The following RAD21L1 variants were observed in gnomAD, a reference collection of about 807,000 sequenced individuals.
RAD21L1 encodes the protein double-strand-break repair protein rad21-like protein 1.
RAD21L1 carries 47 observed loss-of-function variants against 69.0 expected under a neutral mutation model. That is an observed-to-expected ratio of 0.68 (90% confidence interval 0.54 to 0.87). RAD21L1 has a LOEUF of 0.87. RAD21L1 is among the 40% of genes least tolerant of loss of function. RAD21L1 has a pLI of 0.00. For missense variants in RAD21L1, 583 were observed against 647.6 expected (o/e 0.90, Z 1.08); for synonymous variants, 177 against 205.8 (o/e 0.86, Z 1.20).
chr20:1,248,184 T>C (rs984627211), intron 12 of RAD21L1, among the ~76,000 whole-genome samples: 2 of 151,830 alleles, frequency 1.3e-5, no homozygotes, highest in East Asian at 3.9e-4. Context: ...ACAGCAGTTA[T>C]GTTTAGAGCT....
chr20:1,228,534 C>G lies in RAD21L1; in HGVS notation c.81C>G (p.Leu27=). The G allele has an allele frequency of 1.3e-6, 2 of 1,550,336 alleles. No homozygotes were observed. The highest frequency in any genetic ancestry group is 1.7e-6 in the Non-Finnish European group (2 of 1,146,210). Residue 27 remains leucine (L), a synonymous_variant, in exon 2 of 14, where the codon CTC becomes CTG. Transcript: ENST00000683101. The stretch of plus-strand genomic sequence containing the variant: ...TTGCAGCTCACTGGGAGAAGAAACT[C>G]ACAAAGGCCCATGTATTTGAATGTA... The part of the protein sequence containing the change: ...IWLAAHWEKK[L]TKAHVFECNL...
chr20:1,244,466 C>G (rs974410727), intron 11 of RAD21L1, among the ~76,000 whole-genome samples: 2 of 152,116 alleles, frequency 1.3e-5, no homozygotes, highest in Non-Finnish European at 2.9e-5. Flanking sequence ...GAGAATCCTA[C>G]TAGGCCTCAT....
chr20:1,231,620 G>GGAAAATAAA lies in RAD21L1; in HGVS notation c.368+1_368+2insGAAAATAAA. Reference sequence around the variant, plus strand: ...ATGATTTTGACACCCAAAATATGAAGTAAAATATTTTATTTATTTTCCTTC... The same window carrying GGAAAATAAA: ...ATGATTTTGACACCCAAAATATGAAGGAAAATAAATAAAATATTTTATTTATTTTCCTTC... On this transcript the variant is annotated splice_donor_variant, in intron 4 of 13. Coordinates refer to ENST00000683101, the MANE Select transcript of RAD21L1 (RefSeq NM_001384355.1). LOFTEE classifies it high-confidence loss of function. 7 of 1,327,860 alleles carry GGAAAATAAA rather than the reference G, an allele frequency of 5.3e-6. No individual in the cohort carries two copies. The highest frequency in any genetic ancestry group is 7.3e-6 in the Non-Finnish European group (7 of 954,828). 82.3% of individuals were successfully genotyped at this position (1,327,860 alleles called of 1,614,324 possible).
Position 1,235,690 on chromosome 20 carries a change from G to A in RAD21L1, c.475+1499G>A, listed in dbSNP as rs2087480120. ...CCCAGAATTGCAACACATTGGCAAA[G>A]AGGTAATCATATTCCCTACTCCCAA... On this transcript the variant is annotated intron_variant, in intron 5 of 13. Coordinates refer to ENST00000683101, the MANE Select transcript of RAD21L1 (RefSeq NM_001384355.1). 2.0e-5 allele frequency among the ~76,000 whole-genome samples: 3 copies of A among 152,114 alleles called. No individual in the cohort carries two copies. In the South Asian group the frequency reaches 6.2e-4, roughly 32 times the overall value.
chr20:1,248,773 A>G (rs2087768499), intron 13 of RAD21L1, 70 bp downstream of exon 13: 1 of 875,068 alleles, frequency 1.1e-6, no homozygotes, highest in Non-Finnish European at 1.7e-6. Context: ...TCAAGCTTCC[A>G]TATATTAATG....
chr20:1,228,580 A>G lies in RAD21L1; in HGVS notation c.127A>G (p.Lys43Glu). ...ATGTAATCTAGAGATAACCATTGAA[A>G]AAATTCTTTCACCCAAGGTATGTTA... ...FECNLEITIE[K>E]ILSPKVKIAL... Residue 43 changes from lysine to glutamate, a missense_variant, in exon 2 of 14, where the codon AAA (lysine) becomes GAA (glutamate). By Grantham distance (56) the Lys-to-Glu change is moderately conservative (BLOSUM62 1). Coordinates refer to ENST00000683101, the MANE Select transcript of RAD21L1 (RefSeq NM_001384355.1). 6.5e-7 allele frequency: 1 copy of G among 1,543,264 alleles called. No individual in the cohort carries two copies. Among genetic ancestry groups the G allele is most frequent in the South Asian group, 1.2e-5 (1 of 82,232 alleles).
chr20:1,250,781 C>T (rs2087812198), intron 13 of RAD21L1, among the ~76,000 whole-genome samples: 1 of 152,056 alleles, frequency 6.6e-6, no homozygotes, highest in African/African-American at 2.4e-5. Flanking sequence ...ACAATATGAC[C>T]AAACTCTGAC....
chr20:1,248,396 G>A (rs2087759440), intron 12 of RAD21L1, among the ~76,000 whole-genome samples: 1 of 152,080 alleles, frequency 6.6e-6, no homozygotes, highest in Non-Finnish European at 1.5e-5. Flanking sequence ...CTATTTTGGA[G>A]CCTCTTATCA....
chr20:1,231,580 T>G lies in RAD21L1; in HGVS notation c.329T>G (p.Leu110Trp). 6.5e-7 allele frequency: 1 copy of G among 1,538,454 alleles called. No homozygotes were observed. Among genetic ancestry groups the G allele is most frequent in the Non-Finnish European group, 8.8e-7 (1 of 1,137,488 alleles). The change falls in exon 4 of 14, where the codon TTG becomes TGG. Residue 110 changes from leucine (L) to tryptophan (W), a missense_variant. Physicochemically the swap from Leu to Trp is moderately conservative, Grantham distance 61 (BLOSUM62 -2). Transcript: ENST00000683101. ...NFEASYNAIT[L>W]PEEFHDFDTQ... is the part of the protein sequence containing the mutation. ...GAAGCATCTTACAATGCTATCACAT[T>G]GCCAGAAGAATTTCATGATTTTGAC...
Position 1,227,369 on chromosome 20 carries a change from A to G in RAD21L1, c.-32-1053A>G, listed in dbSNP as rs2087286887. 3.3e-5 allele frequency among the ~76,000 whole-genome samples: 5 copies of G among 152,376 alleles called. No homozygotes were observed. The South Asian group carries it at 1.0e-3, about 32-fold the overall frequency. ...GCATTAAAATCTCCAGCTGCCCCGT[A>G]GGGGAACATGGTTTGGCGGATTGCG... On this transcript the variant is annotated intron_variant, in intron 1 of 13. Coordinates refer to ENST00000683101, the MANE Select transcript of RAD21L1 (RefSeq NM_001384355.1).
At chr20:1,251,370 G>GTTTT (rs56251114) in intron 13 of RAD21L1, among the ~76,000 whole-genome samples, 1 of 144,750 alleles carries the variant, frequency 6.9e-6, no homozygotes, top group Non-Finnish European at 1.5e-5. Context: ...ATGTGCTTTG[G>GTTTT]TTTTTTTTTT....
At chr20:1,237,670 A>G (rs1415832862) in intron 5 of RAD21L1, among the ~76,000 whole-genome samples, 6 of 152,158 alleles carry the variant, frequency 3.9e-5, no homozygotes, top group Non-Finnish European at 7.3e-5. Flanking sequence ...CTATGCATGA[A>G]CACTACAAGC....
intron 12 of RAD21L1, 103 bp from the exon 13 acceptor site, chr20:1,248,523 T>G: frequency 1.7e-6 from 1 of 580,368 alleles, no homozygotes; most frequent in Non-Finnish European, 3.1e-6. Flanking sequence ...CAGGACCCAT[T>G]GTAATAATTG....
Position 1,240,334 on chromosome 20 carries a change from C to G in RAD21L1, c.756C>G (p.Asn252Lys). 1 of 1,538,018 alleles carries G rather than the reference C, an allele frequency of 6.5e-7. No homozygotes were observed. Among genetic ancestry groups the G allele is most frequent in the South Asian group, 1.2e-5 (1 of 80,116 alleles). ...GATGTTGATTAGTTGAACCAGATAA[C>G]TCAGAGTGTATATGTGTACCTGAAA... Reference protein sequence around the residue: ...PPNSLAVEPDNSECICVPENE... With the variant: ...PPNSLAVEPDKSECICVPENE... The change falls in exon 8 of 14, where the codon AAC becomes AAG. Residue 252 changes from asparagine to lysine, a missense_variant. Coordinates refer to ENST00000683101, the MANE Select transcript of RAD21L1 (RefSeq NM_001384355.1).
chr20:1,239,323 C>A lies in RAD21L1; in HGVS notation c.658C>A (p.Gln220Lys), dbSNP rs1475734301. 6 of 1,535,540 alleles carry A rather than the reference C, an allele frequency of 3.9e-6. No individual in the cohort carries two copies. The highest frequency in any genetic ancestry group is 5.3e-6 in the Non-Finnish European group (6 of 1,134,320). The change falls in exon 7 of 14, where the codon CAA (glutamine) becomes AAA (lysine). Residue 220 changes from glutamine (Q) to lysine (K), a missense_variant. By Grantham distance (53) the Gln-to-Lys change is moderately conservative. Transcript: ENST00000683101. ...TTGTGTTTTTCAAGACAATCTATTG[C>A]AAGATGATCAGAATATCCTGTTAGA... is the stretch of plus-strand genomic sequence containing the variant. The part of the protein sequence containing the change: ...AAGEMIDNLL[Q>K]DDQNILLEDM...
chr20:1,246,238 C>A lies in RAD21L1; in HGVS notation c.1334C>A (p.Ala445Asp), dbSNP rs1464842896. Residue 445 changes from alanine (A) to aspartate (D), a missense_variant, in exon 12 of 14, where the codon GCT (alanine) becomes GAT (aspartate). Physicochemically the swap from Ala to Asp is moderately radical, Grantham distance 126. Coordinates refer to ENST00000683101, the MANE Select transcript of RAD21L1 (RefSeq NM_001384355.1). This position sits in a 1 kb window ranked among gnomAD's most constrained non-coding sequence, Gnocchi z 4.6. The part of the protein sequence containing the change: ...SEDIVEMVSL[A>D]AEESSLMNDL... ...GATATTGTTGAAATGGTGTCTTTAG[C>A]TGCTGAGGAATCATCTTTAATGAAT... 1 of 1,540,194 alleles carries A rather than the reference C, an allele frequency of 6.5e-7. No homozygotes were observed. Among genetic ancestry groups the A allele is most frequent in the Non-Finnish European group, 8.8e-7 (1 of 1,142,436 alleles).
At chr20:1,228,695 A>T (rs1422785003) in intron 2 of RAD21L1, 98 bp downstream of exon 2, 4 of 874,628 alleles carry the variant, frequency 4.6e-6, no homozygotes, top group Non-Finnish European at 6.8e-6. Flanking sequence ...TTTTCAAGGA[A>T]GTTTTACTTG....
At chr20:1,242,963 C>T in intron 9 of RAD21L1, 118 bp downstream of exon 9, 1 of 907,692 alleles carries the variant, frequency 1.1e-6, no homozygotes. Flanking sequence ...CGAAGAAGTA[C>T]TTCCTCATTT....
chr20:1,254,216 CT>C (rs1331583216), intron 13 of RAD21L1, 52 bp from the exon 14 acceptor site: 1 of 1,277,380 alleles, frequency 7.8e-7, no homozygotes, highest in Non-Finnish European at 1.1e-6. Flanking sequence ...GCCGGCTTTA[CT>C]TCTAATGATC....
Sources: gnomAD v4.1 joint callset for allele counts (sites outside exome capture counted in the v4.1 genomes callset) on GRCh38, gnomAD v4.1.1 for gene constraint, Gnocchi (gnomAD v3.1) non-coding constraint, MANE v1.5 for transcripts, NCBI Gene and HGNC (gene_info 2026-07-23, HGNC 2026-07-21) for gene names.